The following ENOSF1 variants were observed in gnomAD, a reference collection of about 807,000 sequenced individuals.
ENOSF1 encodes the protein mitochondrial enolase superfamily member 1.
A neutral mutation model predicts 68.2 loss-of-function variants in ENOSF1; 73 were observed. The ratio of observed to expected loss-of-function variants is 1.07; its 90% confidence interval spans 0.89 to 1.30. ENOSF1 has a LOEUF of 1.30. Ranked by LOEUF, ENOSF1 falls within the 50% of genes most tolerant of loss-of-function variation. The probability of loss-of-function intolerance (pLI) is 0.00; values close to 1 mark genes in which losing one functional copy is unlikely to be tolerated. For missense variants in ENOSF1, 589 were observed against 554.5 expected, an observed-to-expected ratio of 1.06 and a Z score of -0.62; for synonymous variants, 223 against 210.4, an observed-to-expected ratio of 1.06 and a Z score of -0.52.
rs748318354 is a variant in ENOSF1, at chr18:673,147, C to G, written c.*1158G>C. On this transcript the variant is annotated 3_prime_UTR_variant, in exon 16 of 16. Coordinates refer to ENST00000647584, the MANE Select transcript of ENOSF1 (RefSeq NM_017512.7). ...AGTTATTAATTTTTAAGGATGTTGC[C>G]ACTGGCAAATGTAACTGTGCCAGTT... 1 of 834,246 alleles carries G rather than the reference C, an allele frequency of 1.2e-6. No homozygotes were observed. Among genetic ancestry groups the G allele is most frequent in the Middle Eastern group, 2.7e-4 (1 of 3,666 alleles). 51.7% of individuals were successfully genotyped at this position (834,246 alleles called of 1,614,324 possible).
downstream of ENOSF1, chr18:667,609 ATGGAGATGGGTGATGG>A (rs1598470412): frequency 5.7e-5 from 6 of 105,286 alleles, 1 homozygote; most frequent in East Asian, 1.5e-3. Context: ...GGTGATGGTG[ATGGAGATGGGTGATGG>A]TGATGGTTGC....
At chr18:708,733 G>C (rs1284393676) in intron 1 of ENOSF1, among the ~76,000 whole-genome samples, 1 of 152,088 alleles carries the variant, frequency 6.6e-6, no homozygotes, top group African/African-American at 2.4e-5. Flanking sequence ...GAGTCTGGGA[G>C]GGAGGAATAT....
At chr18:664,524 A>G in the ENOSF1 span, among the ~76,000 whole-genome samples, 3,021 of 136,302 alleles carry the variant, frequency 0.022, 119 homozygotes, top group African/African-American at 0.085. Flanking sequence ...TCTCCTGCCT[A>G]ATTGCCCTGG....
intron 9 of ENOSF1, 111 bp downstream of exon 9, chr18:688,463 G>T (rs2612088): frequency 0.58 from 825,318 of 1,424,654 alleles, 241,697 homozygotes; most frequent in African/African-American, 0.79. Flanking sequence ...TGAGCCAGGG[G>T]GATCCTAGCC....
At position 671,754 on chromosome 18, in the gene ENOSF1, G is replaced by A; in HGVS notation, c.*2551C>T. On this transcript the variant is annotated 3_prime_UTR_variant, in exon 16 of 16. Transcript: ENST00000647584. ...GCATTTTAACTCATTTTAACTTGAA[G>A]GAGAATTGAAGTGCAAATGTTTTTC... 2.7e-6 allele frequency: 1 copy of A among 372,896 alleles called. No individual in the cohort carries two copies. The highest frequency in any genetic ancestry group is 4.6e-5 in the Admixed American group (1 of 21,762). The allele number at this position is 372,896 out of a possible 1,614,324, so 23.1% of individuals were successfully genotyped here. A position where few individuals can be genotyped will look rare whatever the true frequency, so the allele number is the denominator to read the frequency against.
chr18:673,824 T>C lies in ENOSF1; in HGVS notation c.*481A>G, dbSNP rs1158907862. ...GCATGGTGTGACTTCTCTAATAATA[T>C]GCTTAGATTAAGCAAGGAAAAGATG... On this transcript the variant is annotated 3_prime_UTR_variant, in exon 16 of 16. Transcript: ENST00000647584. The C allele has an allele frequency of 6.5e-6, 1 of 152,766 alleles. No homozygotes were observed. The highest frequency in any genetic ancestry group is 2.4e-5 in the African/African-American group (1 of 41,332). The allele number at this position is 152,766 out of a possible 1,614,324, so 9.5% of individuals were successfully genotyped here. A position where few individuals can be genotyped will look rare whatever the true frequency, so the allele number is the denominator to read the frequency against.
chr18:664,327 T>C, the ENOSF1 span, among the ~76,000 whole-genome samples: 1 of 150,308 alleles, frequency 6.7e-6, no homozygotes, highest in East Asian at 2.0e-4. Context: ...TTGTCTGTTA[T>C]TGGTGTATAA....
At position 671,836 on chromosome 18, in the gene ENOSF1, G is replaced by C; in HGVS notation, c.*2469C>G. The C allele has an allele frequency of 9.0e-6, 2 of 222,034 alleles. No individual in the cohort carries two copies. The highest frequency in any genetic ancestry group is 1.3e-4 in the South Asian group (2 of 15,936). The allele number at this position is 222,034 out of a possible 1,614,324, so 13.8% of individuals were successfully genotyped here. On this transcript the variant is annotated 3_prime_UTR_variant, in exon 16 of 16. Transcript: ENST00000647584. Reference sequence around the variant, plus strand: ...TCTGTCGGCCAGGCTGGAGTGTGCCGTGGTGCGATCTCAGCTCACTGCAAC... The same window carrying C: ...TCTGTCGGCCAGGCTGGAGTGTGCCCTGGTGCGATCTCAGCTCACTGCAAC...
At chr18:698,524 A>G (rs1329851642) in intron 2 of ENOSF1, among the ~76,000 whole-genome samples, 7 of 152,186 alleles carry the variant, frequency 4.6e-5, no homozygotes, top group Non-Finnish European at 1.0e-4. Context: ...ATTTCTTACT[A>G]TTGACTTTCT....
At chr18:704,421 CTT>C (rs1182403055) in intron 2 of ENOSF1, among the ~76,000 whole-genome samples, 2 of 97,484 alleles carry the variant, frequency 2.1e-5, no homozygotes, top group African/African-American at 4.2e-5. Context: ...GAGCAAGACT[CTT>C]GTTTCCAAAA....
chr18:710,304 C>A (rs2079373069), intron 1 of ENOSF1, among the ~76,000 whole-genome samples: 2 of 152,160 alleles, frequency 1.3e-5, no homozygotes. Flanking sequence ...GAGACGAGGT[C>A]TCACTATGTT....
chr18:688,676 T>G, intron 8 of ENOSF1, 68 bp from the exon 9 acceptor site: 1 of 1,387,082 alleles, frequency 7.2e-7, no homozygotes, highest in African/African-American at 1.4e-5. Flanking sequence ...AGTCAGTCAT[T>G]GCTGATCTGT....
At chr18:687,061 C>T (rs1287290791) in intron 9 of ENOSF1, 3 of 147,382 alleles carry the variant, frequency 2.0e-5, no homozygotes, top group African/African-American at 4.9e-5. Context: ...GCAAACAGCA[C>T]TTACAGCAGC....
At chr18:666,969 TGATGGAGATGGA>T (rs1266837279), downstream of ENOSF1, among the ~76,000 whole-genome samples, 536 of 13,796 alleles carry the variant, frequency 0.039, 31 homozygotes, top group Admixed American at 0.053. Flanking sequence ...ATGGAGATGG[TGATGGAGATGGA>T]GATGGTGATG....
At position 706,741 on chromosome 18, in the gene ENOSF1, G is replaced by A. The variant is rs979490494; in HGVS notation, c.85-163C>T. 26 of 501,824 alleles carry A rather than the reference G, an allele frequency of 5.2e-5. 2 individuals are homozygous for A. Among genetic ancestry groups the A allele is most frequent in the African/African-American group, 3.6e-4 (19 of 52,100 alleles). 31.1% of individuals were successfully genotyped at this position (501,824 alleles called of 1,614,324 possible). On this transcript the variant is annotated intron_variant, in intron 1 of 15. Coordinates refer to ENST00000647584, the MANE Select transcript of ENOSF1 (RefSeq NM_017512.7). ...TACCCCAAAGAAAACAAAGGGCTCT[G>A]AATGGAGAAAAGGAATGTCCTCCTG...
downstream of ENOSF1, among the ~76,000 whole-genome samples, chr18:666,909 TGATGGTGATGGA>T (rs1204715550): frequency 0.031 from 1,270 of 41,316 alleles, 118 homozygotes; most frequent in Admixed American, 0.082. Flanking sequence ...ATGGAGATGG[TGATGGTGATGGA>T]GATGGTGATG....
chr18:667,244 GT>G (rs1274853372), downstream of ENOSF1, among the ~76,000 whole-genome samples: 2 of 27,566 alleles, frequency 7.3e-5, no homozygotes, highest in African/African-American at 2.7e-4. Context: ...GATGGAGATG[GT>G]GATGGTGATG....
At chr18:669,533 C>T (rs2853529), downstream of ENOSF1, 72,290 of 185,492 alleles carry the variant, frequency 0.39, 15,410 homozygotes, top group East Asian at 0.68. Context: ...CCACCATGCC[C>T]GGCTAATTTT....
chr18:699,935 C>G (rs552117101), intron 2 of ENOSF1, among the ~76,000 whole-genome samples: 1 of 152,318 alleles, frequency 6.6e-6, no homozygotes, highest in East Asian at 1.9e-4. Context: ...CAAAAATTAG[C>G]TGGGCATGGT....
Sources: allele counts gnomAD v4.1 joint callset (sites outside exome capture counted in the v4.1 genomes callset), GRCh38; gene constraint gnomAD v4.1.1; transcripts MANE v1.5; gene names NCBI Gene and HGNC (gene_info 2026-07-23, HGNC 2026-07-21).